The following DSCAM variants were observed in gnomAD, a reference collection of about 807,000 sequenced individuals.
The protein encoded by DSCAM is DS cell adhesion molecule.
DSCAM carries 47 observed loss-of-function variants against 217.7 expected under a neutral mutation model. The observed-to-expected ratio is 0.22, with a 90% CI of 0.17 to 0.28. DSCAM has a LOEUF of 0.28. Among genes scored for constraint, DSCAM ranks in the 10% least tolerant of loss-of-function variants. The pLI, the probability that DSCAM is intolerant of heterozygous loss-of-function variation, is 1.00. For missense variants in DSCAM, 2,080 were observed against 2,618.3 expected (o/e 0.79, Z 4.49); for synonymous variants, 1,056 against 1,015.3 (o/e 1.04, Z -0.76).
At chr21:40,619,887 T>C (rs1201675773) in intron 3 of DSCAM, among the ~76,000 whole-genome samples, 1 of 146,744 alleles carries the variant, frequency 6.8e-6, no homozygotes, top group Non-Finnish European at 1.5e-5. Flanking sequence ...GGTAATATCA[T>C]TTAAACCGTA....
At position 40,144,547 on chromosome 21, in the gene DSCAM, T is replaced by A; in HGVS notation, c.3203A>T (p.Asn1068Ile). 1 of 1,614,170 alleles carries A rather than the reference T, an allele frequency of 6.2e-7. No homozygotes were observed. Among genetic ancestry groups the A allele is most frequent in the Non-Finnish European group, 8.5e-7 (1 of 1,180,024 alleles). Residue 1068 changes from asparagine (N) to isoleucine (I), a missense_variant, in exon 17 of 33, where the codon AAC (asparagine) becomes ATC (isoleucine). By Grantham distance (149) the Asn-to-Ile change is moderately radical. This residue lies in a region of DSCAM where 1,144 missense variants were observed against 1,421.1 expected (regional missense o/e 0.81). Coordinates refer to ENST00000400454, the MANE Select transcript of DSCAM (RefSeq NM_001389.5). The surrounding 1 kb of genome is among the most constrained non-coding windows in gnomAD (Gnocchi z 4.8). ...AGAAGAAGGCCCCGTGCCGGCCCGG[T>A]TACAGGCCTGCACCACCAGGCCGTA... ...TQYGLVVQACNRAGTGPSSQE... is the reference protein window; with the variant it reads ...TQYGLVVQACIRAGTGPSSQE...
At chr21:40,341,222 T>C (rs922676842) in intron 6 of DSCAM, among the ~76,000 whole-genome samples, 2 of 152,240 alleles carry the variant, frequency 1.3e-5, no homozygotes, top group Admixed American at 6.5e-5. Context: ...CCTCATCACA[T>C]CCTGTGTTTA....
chr21:40,530,156 T>C (rs535739491), intron 3 of DSCAM, among the ~76,000 whole-genome samples: 1 of 152,294 alleles, frequency 6.6e-6, no homozygotes, highest in Admixed American at 6.5e-5. Flanking sequence ...CACCATTCCA[T>C]GGTCATTGTA....
intron 3 of DSCAM, among the ~76,000 whole-genome samples, chr21:40,458,378 C>CA (rs2075780217): frequency 6.6e-6 from 1 of 152,024 alleles, no homozygotes; most frequent in South Asian, 2.1e-4. Context: ...AGAACATTTA[C>CA]AAAAGTTGTA....
intron 20 of DSCAM, among the ~76,000 whole-genome samples, chr21:40,099,186 T>C (rs2089719628): frequency 1.3e-5 from 2 of 152,222 alleles, no homozygotes; most frequent in South Asian, 4.1e-4. Flanking sequence ...ACTCCATACT[T>C]ATCCTGTTGA....
chr21:40,029,923 T>C (rs964206160), intron 32 of DSCAM, among the ~76,000 whole-genome samples: 1 of 152,234 alleles, frequency 6.6e-6, no homozygotes, highest in African/African-American at 2.4e-5. Flanking sequence ...AAACTCAGTT[T>C]TGAAATGTTT....
chr21:40,165,316 T>A (rs2090582288), intron 16 of DSCAM, among the ~76,000 whole-genome samples: 1 of 152,240 alleles, frequency 6.6e-6, no homozygotes, highest in Admixed American at 6.5e-5. Flanking sequence ...TGGTGTCCTT[T>A]AAAAGCTCAT....
rs574428486 is a variant in DSCAM at position 40,344,177 on chromosome 21, G to A, written c.1210+3493C>T. On this transcript the variant is annotated intron_variant, in intron 6 of 32. Coordinates refer to ENST00000400454, the MANE Select transcript of DSCAM (RefSeq NM_001389.5). ...GCTTCCTAAAATGCTGGGATTACAG[G>A]CGTGAGCGACAGCACATGGCCAAGT... Among the ~76,000 whole-genome samples the A allele has an allele frequency of 2.3e-3, 348 of 152,288 alleles. 4 individuals are homozygous for A. Among genetic ancestry groups the A allele is most frequent in the African/African-American group, 7.5e-3 (313 of 41,564 alleles).
At chr21:40,363,545 G>A (rs1336181482) in intron 4 of DSCAM, among the ~76,000 whole-genome samples, 7 of 152,032 alleles carry the variant, frequency 4.6e-5, no homozygotes, top group Admixed American at 2.0e-4. Flanking sequence ...GAGCCACCAC[G>A]CATACCACAA....
chr21:40,496,280 C>T (rs986812802), intron 3 of DSCAM, among the ~76,000 whole-genome samples: 1 of 152,110 alleles, frequency 6.6e-6, no homozygotes, highest in Non-Finnish European at 1.5e-5. Flanking sequence ...ATATACAAAG[C>T]TACAGTAACC....
intron 28 of DSCAM, among the ~76,000 whole-genome samples, chr21:40,058,751 C>T (rs1233399343): frequency 1.3e-5 from 2 of 152,162 alleles, no homozygotes; most frequent in Non-Finnish European, 2.9e-5. Flanking sequence ...GTTCTGTTAA[C>T]CTCAAAAATG....
intron 15 of DSCAM, among the ~76,000 whole-genome samples, chr21:40,174,343 G>A (rs1270228999): frequency 1.3e-5 from 2 of 152,144 alleles, no homozygotes; most frequent in Admixed American, 6.5e-5. Context: ...GGAGCAATGA[G>A]ATTTCCCAAC....
intron 11 of DSCAM, among the ~76,000 whole-genome samples, chr21:40,222,784 A>G (rs966383730): frequency 1.3e-5 from 2 of 152,190 alleles, no homozygotes; most frequent in Non-Finnish European, 2.9e-5. Flanking sequence ...CAACCCACAG[A>G]AACAAAAGCC....
chr21:40,762,022 T>C (rs978339407), intron 1 of DSCAM, among the ~76,000 whole-genome samples: 9 of 151,894 alleles, frequency 5.9e-5, no homozygotes, highest in Admixed American at 2.0e-4. Context: ...AGAAGTAAAA[T>C]CAACACCCTA....
chr21:40,797,080 T>C (rs1401603658), intron 1 of DSCAM, among the ~76,000 whole-genome samples: 2 of 152,188 alleles, frequency 1.3e-5, no homozygotes, highest in African/African-American at 2.4e-5. Context: ...CAATAGCATG[T>C]TCATTGAACA....
chr21:40,205,330 C>T (rs2091112680), intron 11 of DSCAM, among the ~76,000 whole-genome samples: 1 of 152,192 alleles, frequency 6.6e-6, no homozygotes, highest in African/African-American at 2.4e-5. Flanking sequence ...GGGCCTGGTG[C>T]AGTGGCTCAT....
intron 3 of DSCAM, among the ~76,000 whole-genome samples, chr21:40,514,875 G>C (rs933288241): frequency 1.3e-5 from 2 of 152,184 alleles, no homozygotes; most frequent in African/African-American, 4.8e-5. Flanking sequence ...TAAAGATGTG[G>C]AATGGGTCAG....
At chr21:40,263,422 C>A (rs1303781029) in intron 11 of DSCAM, among the ~76,000 whole-genome samples, 2 of 152,072 alleles carry the variant, frequency 1.3e-5, no homozygotes, top group African/African-American at 4.8e-5. Context: ...CAAAACTATA[C>A]AAATACATGA....
At chr21:40,087,099 G>T in intron 22 of DSCAM, 71 bp downstream of exon 22, 1 of 1,169,414 alleles carries the variant, frequency 8.6e-7, no homozygotes, top group Non-Finnish European at 1.3e-6. Context: ...GAGACCACTA[G>T]ACACAACCTG....
Sources: allele counts gnomAD v4.1 joint callset (sites outside exome capture counted in the v4.1 genomes callset), GRCh38; gene constraint gnomAD v4.1.1; regional missense constraint gnomAD v4.1.1; non-coding constraint Gnocchi (gnomAD v3.1); transcripts MANE v1.5; gene names NCBI Gene and HGNC (gene_info 2026-07-23, HGNC 2026-07-21).